The following DAB2IP variants were observed in gnomAD, a reference collection of about 807,000 sequenced individuals.
DAB2IP encodes the protein DAB2 interacting protein.
In DAB2IP, 28 loss-of-function variants were observed where a neutral mutation model predicts 107.2. The ratio of observed to expected loss-of-function variants is 0.26; its 90% CI spans 0.19 to 0.36. DAB2IP has a LOEUF of 0.36. DAB2IP is among the 10% of genes least tolerant of loss of function. DAB2IP has a pLI of 1.00. For synonymous variants in DAB2IP, 755 were observed against 706.4 expected, an observed-to-expected ratio of 1.07 and a Z score of -1.09; for missense variants, 1,400 against 1,644.7, an observed-to-expected ratio of 0.85 and a Z score of 2.57.
At chr9:121,593,656 CTTTTTTCTTTTTTTTTCT>C (rs1830461168) in intron 1 of DAB2IP, among the ~76,000 whole-genome samples, 1 of 134,498 alleles carries the variant, frequency 7.4e-6, no homozygotes, top group South Asian at 2.5e-4. Context: ...TCTTTTTTTT[CTTTTTTCTTTTTTTTTCT>C]TTTTTTTTTT....
At chr9:121,741,142 C>T (rs955599634) in intron 3 of DAB2IP, among the ~76,000 whole-genome samples, 1 of 152,226 alleles carries the variant, frequency 6.6e-6, no homozygotes, top group Non-Finnish European at 1.5e-5. Flanking sequence ...CCTCCTCTCC[C>T]CACATGCGCA....
intron 14 of DAB2IP, among the ~76,000 whole-genome samples, chr9:121,780,883 C>T (rs934907665): frequency 2.6e-4 from 40 of 152,212 alleles, no homozygotes; most frequent in African/African-American, 9.4e-4. Flanking sequence ...GATGTGCGAC[C>T]TCCCAGCCCA....
At chr9:121,765,551 G>A (rs1243813544) in intron 8 of DAB2IP, among the ~76,000 whole-genome samples, 1 of 152,194 alleles carries the variant, frequency 6.6e-6, no homozygotes, top group African/African-American at 2.4e-5. Flanking sequence ...CCTTACGATG[G>A]CTCTGTGAGC....
chr9:121,726,323 T>C (rs1831235403), intron 3 of DAB2IP, among the ~76,000 whole-genome samples: 1 of 152,200 alleles, frequency 6.6e-6, no homozygotes, highest in African/African-American at 2.4e-5. Context: ...AGGGAGGGCA[T>C]GGAAGCTCCA....
At chr9:121,783,199 G>C in exon 16 of DAB2IP, 2 of 1,118,548 alleles carry the variant, frequency 1.8e-6, no homozygotes, top group Non-Finnish European at 2.2e-6. Context: ...TGTATTGCCA[G>C]ATAGACCCAG....
intron 6 of DAB2IP, among the ~76,000 whole-genome samples, chr9:121,763,277 G>A (rs574935181): frequency 5.9e-5 from 9 of 152,250 alleles, no homozygotes; most frequent in African/African-American, 1.9e-4. Context: ...CATAGACCCG[G>A]CTCTACTGTC....
chr9:121,767,748 C>T (rs569755797), intron 9 of DAB2IP, among the ~76,000 whole-genome samples: 16 of 152,246 alleles, frequency 1.1e-4, no homozygotes, highest in East Asian at 5.8e-4. Flanking sequence ...AGCCAGGAGA[C>T]GTGAAAGGAG....
intron 1 of DAB2IP, among the ~76,000 whole-genome samples, chr9:121,584,632 A>G (rs538030357): frequency 2.6e-5 from 4 of 152,186 alleles, no homozygotes; most frequent in Non-Finnish European, 5.9e-5. Context: ...ATATGACGGA[A>G]TGATCAGGAA....
intron 1 of DAB2IP, among the ~76,000 whole-genome samples, chr9:121,610,009 G>A (rs750299389): frequency 2.0e-5 from 3 of 152,174 alleles, no homozygotes; most frequent in Non-Finnish European, 4.4e-5. Context: ...GATAGGGGAG[G>A]ATGCCAAGGT....
At chr9:121,774,594 G>A (rs1050514998) in intron 13 of DAB2IP, among the ~76,000 whole-genome samples, 182 bp downstream of exon 13, 4 of 152,204 alleles carry the variant, frequency 2.6e-5, no homozygotes, top group African/African-American at 9.7e-5. Context: ...AAAGCAACAA[G>A]AGGGATGGAT....
At chr9:121,732,134 C>G (rs761198726) in intron 3 of DAB2IP, among the ~76,000 whole-genome samples, 2 of 152,140 alleles carry the variant, frequency 1.3e-5, no homozygotes, top group Non-Finnish European at 2.9e-5. Flanking sequence ...TGTAACCGTC[C>G]TCTTTCCGTT....
chr9:121,779,756 T>G (rs897532348), intron 14 of DAB2IP, among the ~76,000 whole-genome samples: 38 of 152,240 alleles, frequency 2.5e-4, no homozygotes, highest in African/African-American at 9.2e-4. Context: ...TTGCCTAGCC[T>G]GGTAATTTTC....
chr9:121,658,048 C>A (rs955413382), intron 1 of DAB2IP, among the ~76,000 whole-genome samples: 1 of 152,082 alleles, frequency 6.6e-6, no homozygotes, highest in African/African-American at 2.4e-5. Context: ...TAAGATGAGC[C>A]CAGATAGGGA....
intron 1 of DAB2IP, among the ~76,000 whole-genome samples, chr9:121,578,345 G>C: frequency 6.6e-6 from 1 of 151,062 alleles, no homozygotes; most frequent in East Asian, 2.0e-4. Context: ...CTCCTGCTGG[G>C]CTCCCCCTGC....
intron 3 of DAB2IP, among the ~76,000 whole-genome samples, chr9:121,715,351 CTTT>C (rs768480637): frequency 2.3e-5 from 3 of 129,624 alleles, no homozygotes; most frequent in Non-Finnish European, 3.3e-5. Context: ...TTCTTTCTTT[CTTT>C]TTTTTTTTTT....
chr9:121,619,667 C>A (rs73661798), intron 1 of DAB2IP, among the ~76,000 whole-genome samples: 12,822 of 152,240 alleles, frequency 0.084, 569 homozygotes, highest in Non-Finnish European at 0.099. Flanking sequence ...GTAAGAATTG[C>A]AAATGTCCTT....
At chr9:121,627,134 C>T in intron 1 of DAB2IP, among the ~76,000 whole-genome samples, 1 of 51,622 alleles carries the variant, frequency 1.9e-5, no homozygotes, top group Admixed American at 2.2e-4. Flanking sequence ...CACACACACA[C>T]ACACACTCAC....
intron 1 of DAB2IP, among the ~76,000 whole-genome samples, chr9:121,655,682 G>T (rs1832941952): frequency 6.6e-6 from 1 of 152,170 alleles, no homozygotes; most frequent in Admixed American, 6.5e-5. Flanking sequence ...TCTGTCGAGG[G>T]GGGTTAATCT....
At chr9:121,576,756 G>T (rs781701195) in intron 1 of DAB2IP, among the ~76,000 whole-genome samples, 6 of 149,218 alleles carry the variant, frequency 4.0e-5, no homozygotes, top group South Asian at 4.2e-4. Flanking sequence ...GCAGATTCTG[G>T]GGGGGGAGGG....
Sources: allele counts gnomAD v4.1 joint callset (sites outside exome capture counted in the v4.1 genomes callset), GRCh38; gene constraint gnomAD v4.1.1; transcripts MANE v1.5; gene names NCBI Gene and HGNC (gene_info 2026-07-23, HGNC 2026-07-21).